Variants in AKR1B1 observed in about 807,000 individuals in gnomAD.
The protein encoded by AKR1B1 is aldo-keto reductase family 1 member B1.
Under a neutral mutation model 40.4 loss-of-function variants are expected in AKR1B1, and 22 were observed. That is an observed-to-expected ratio of 0.54 (90% confidence interval 0.39 to 0.78). The LOEUF (loss-of-function observed/expected upper bound fraction) is 0.78, where lower values mean the gene tolerates loss of function less well. AKR1B1 is among the 30% of genes least tolerant of loss of function. AKR1B1 has a pLI of 0.00. For missense variants in AKR1B1, 357 were observed against 396.7 expected (o/e 0.90, Z 0.85); for synonymous variants, 157 against 149.9 (o/e 1.05, Z -0.35).
At chr7:134,449,320 C>G (rs1406736926) in intron 4 of AKR1B1, 5 of 709,118 alleles carry the variant, frequency 7.1e-6, no homozygotes, top group Admixed American at 4.4e-5. Flanking sequence ...GGCGCGGTGG[C>G]TCACGCCTGT....
At chr7:134,449,274 G>A (rs898861518) in intron 4 of AKR1B1, 155 bp from the exon 5 acceptor site, 1 of 1,138,834 alleles carries the variant, frequency 8.8e-7, no homozygotes, top group Non-Finnish European at 1.3e-6. Flanking sequence ...CGAAAGCCAG[G>A]CTGGCTTTAA....
In AKR1B1 at chr7:134,450,825, G is replaced by A. The variant is rs1806262204; in HGVS notation, c.312C>T (p.Tyr104=). 6.2e-7 allele frequency: 1 copy of A among 1,614,170 alleles called. No individual in the cohort carries two copies. Among genetic ancestry groups the A allele is most frequent in the Non-Finnish European group, 8.5e-7 (1 of 1,180,030 alleles). ...GCCAGTGAATAAGGTAGAGGTCCAGGTAGTCCAGCTTCAGGTCGCTGAGTG... is the reference window on the plus strand; with the variant it reads ...GCCAGTGAATAAGGTAGAGGTCCAGATAGTCCAGCTTCAGGTCGCTGAGTG... ...QKTLSDLKLD[Y]LDLYLIHWPT... The change falls in exon 3 of 10, where the codon TAC becomes TAT. Residue 104 remains tyrosine, a synonymous_variant. Coordinates refer to ENST00000285930, the MANE Select transcript of AKR1B1 (RefSeq NM_001628.4).
At chr7:134,446,581 GCCC>G (rs3216672) in intron 8 of AKR1B1, among the ~76,000 whole-genome samples, 3 of 151,702 alleles carry the variant, frequency 2.0e-5, no homozygotes, top group Non-Finnish European at 4.4e-5. Context: ...CTTTGGGCGT[GCCC>G]CCCCCCTCCC....
At chr7:134,450,032 G>T (rs184082084) in intron 3 of AKR1B1, among the ~76,000 whole-genome samples, 1 of 152,174 alleles carries the variant, frequency 6.6e-6, no homozygotes, top group Non-Finnish European at 1.5e-5. Flanking sequence ...GACTAGCCCC[G>T]CCACTGACTG....
At position 134,450,862 on chromosome 7, in the gene AKR1B1, GC is replaced by G. The variant is rs1806263938; in HGVS notation, c.274del (p.Ala92ProfsTer9). On this transcript the variant is annotated frameshift_variant, in exon 3 of 10. Coordinates refer to ENST00000285930, the MANE Select transcript of AKR1B1 (RefSeq NM_001628.4). LOFTEE classifies it high-confidence loss of function. ...TYHEKGLVKG[A>X]CQKTLSDLKL... ...CAGGTCGCTGAGTGTCTTCTGGCAG[GC>G]TCCTTTCACCAGGCCCTTCTCATGG... The G allele has an allele frequency of 2.5e-6, 4 of 1,614,020 alleles. No individual in the cohort carries two copies. The Admixed American group carries it at 5.0e-5, about 20-fold the overall frequency.
At chr7:134,455,072 T>G (rs1302301251) in intron 1 of AKR1B1, among the ~76,000 whole-genome samples, 1 of 152,148 alleles carries the variant, frequency 6.6e-6, no homozygotes, top group Admixed American at 6.5e-5. Flanking sequence ...CCTCACCCCA[T>G]CCAAGGATCT....
chr7:134,451,052 C>T, intron 2 of AKR1B1, 150 bp from the exon 3 acceptor site: 1 of 719,124 alleles, frequency 1.4e-6, no homozygotes, highest in South Asian at 1.5e-5. Flanking sequence ...CGTACTGGAT[C>T]CTAACTTTCC....
At chr7:134,445,212 T>A (rs890532081) in intron 9 of AKR1B1, 26 bp downstream of exon 9, 1 of 1,595,790 alleles carries the variant, frequency 6.3e-7, no homozygotes. Context: ...TCCTGGGAAC[T>A]GCTCCTCACA....
rs755585273 is a variant in AKR1B1, at chr7:134,445,294, C to G, written c.852G>C (p.Gln284His). Residue 284 changes from glutamine (Q) to histidine (H), a missense_variant, in exon 9 of 10, where the codon CAG becomes CAC. Transcript: ENST00000285930. ...FKVFDFELSSQDMTTLLSYNR... is the reference protein window; with the variant it reads ...FKVFDFELSSHDMTTLLSYNR... ...TGTAGCTGAGTAAGGTGGTCATATC[C>G]TGGCTGCTCAGTTCAAAGTCAAAGA... The G allele has an allele frequency of 1.5e-5, 24 of 1,613,052 alleles. No individual in the cohort carries two copies. The highest frequency in any genetic ancestry group is 2.7e-5 in the African/African-American group (2 of 74,894).
intron 1 of AKR1B1, among the ~76,000 whole-genome samples, chr7:134,452,714 G>A (rs1485460578): frequency 6.6e-6 from 1 of 152,196 alleles, no homozygotes; most frequent in Non-Finnish European, 1.5e-5. Context: ...CATTCCTTTG[G>A]AGAGCTGGGG....
At chr7:134,455,604 G>GT (rs954306836) in intron 1 of AKR1B1, among the ~76,000 whole-genome samples, 16 of 151,350 alleles carry the variant, frequency 1.1e-4, no homozygotes, top group Admixed American at 7.2e-4. Context: ...CTGAGACCGA[G>GT]TTTTTTTTTG....
chr7:134,457,194 A>G (rs1806498173), intron 1 of AKR1B1, among the ~76,000 whole-genome samples: 1 of 152,134 alleles, frequency 6.6e-6, no homozygotes, highest in Non-Finnish European at 1.5e-5. Flanking sequence ...TTTTCAAATG[A>G]TGGGTCACAA....
intron 1 of AKR1B1, among the ~76,000 whole-genome samples, chr7:134,452,627 C>A (rs1295417556): frequency 6.6e-6 from 1 of 152,172 alleles, no homozygotes; most frequent in Non-Finnish European, 1.5e-5. Flanking sequence ...ACACGTATCC[C>A]CCAACTTTCA....
chr7:134,448,264 G>A (rs1451689615), intron 6 of AKR1B1, 123 bp downstream of exon 6: 1 of 987,738 alleles, frequency 1.0e-6, no homozygotes, highest in Non-Finnish European at 1.6e-6. Flanking sequence ...AAACCAGCAA[G>A]AGGCTCAGGG....
chr7:134,446,752 A>G (rs1732037), intron 8 of AKR1B1, among the ~76,000 whole-genome samples: 152,382 of 152,382 alleles, frequency 1, 76,191 homozygotes, highest in Non-Finnish European at 1. Context: ...GAGCTGGTGA[A>G]TGGACTAAAT....
rs568061397 is a variant in AKR1B1, at chr7:134,459,092, G to A, written c.-30C>T. The A allele has an allele frequency of 2.5e-6, 4 of 1,590,270 alleles. No homozygotes were observed. The highest frequency in any genetic ancestry group is 2.3e-5 in the South Asian group (2 of 87,116). On this transcript the variant is annotated 5_prime_UTR_variant, in exon 1 of 10. Coordinates refer to ENST00000285930, the MANE Select transcript of AKR1B1 (RefSeq NM_001628.4). ...GCTGCGCTCCCCAGACCCCCGCCCAGTACGGTGCGGCCTTGGCCGCGGCGC... is the reference window on the plus strand; with the variant it reads ...GCTGCGCTCCCCAGACCCCCGCCCAATACGGTGCGGCCTTGGCCGCGGCGC...
At chr7:134,448,278 G>A in intron 6 of AKR1B1, 109 bp downstream of exon 6, 1 of 1,091,670 alleles carries the variant, frequency 9.2e-7, no homozygotes, top group Non-Finnish European at 1.4e-6. Flanking sequence ...CTCAGGGGAA[G>A]TTTTGCAGAT....
chr7:134,448,129 C>A, intron 6 of AKR1B1, 68 bp from the exon 7 acceptor site: 1 of 1,314,422 alleles, frequency 7.6e-7, no homozygotes, highest in African/African-American at 1.4e-5. Context: ...GAAACCCCAA[C>A]CCTAATCCTC....
upstream of AKR1B1, chr7:134,459,183 G>A: frequency 2.4e-6 from 3 of 1,275,154 alleles, no homozygotes; most frequent in Non-Finnish European, 3.3e-6. Flanking sequence ...GCTGCGCGAA[G>A]GAGCCTTCTG....
Sources: gnomAD v4.1 joint callset for allele counts (sites outside exome capture counted in the v4.1 genomes callset) on GRCh38, gnomAD v4.1.1 for gene constraint, MANE v1.5 for transcripts, NCBI Gene and HGNC (gene_info 2026-07-23, HGNC 2026-07-21) for gene names.